DGKG: variants seen among roughly 807,000 people sequenced by gnomAD.
DGKG encodes diacylglycerol kinase gamma, also known as DAG kinase gamma.
A neutral mutation model predicts 105.3 loss-of-function variants in DGKG; 78 were observed. That is an observed-to-expected ratio of 0.74 (90% confidence interval 0.62 to 0.89). The LOEUF (loss-of-function observed/expected upper bound fraction) is 0.89, where lower values mean the gene tolerates loss of function less well. Ranked by LOEUF, DGKG falls within the 40% of genes least tolerant of loss-of-function variation. The pLI is 0.00. For missense variants in DGKG, 958 were observed against 1,020.1 expected (o/e 0.94, Z 0.83); for synonymous variants, 346 against 367.1 (o/e 0.94, Z 0.66).
intron 20 of DGKG, among the ~76,000 whole-genome samples, chr3:186,227,792 T>C (rs750891843): frequency 6.6e-6 from 1 of 152,204 alleles, no homozygotes; most frequent in Non-Finnish European, 1.5e-5. Flanking sequence ...ATAAAACGCA[T>C]GCAATTATGA....
In DGKG at chr3:186,149,842, C is replaced by T; in HGVS notation, c.*248G>A. 8.3e-7 allele frequency: 1 copy of T among 1,209,550 alleles called. No homozygotes were observed. The highest frequency in any genetic ancestry group is 1.0e-6 in the Non-Finnish European group (1 of 970,444). The allele number at this position is 1,209,550 out of a possible 1,614,324, so 74.9% of individuals were successfully genotyped here. A position where few individuals can be genotyped will look rare whatever the true frequency, so the allele number is the denominator to read the frequency against. On this transcript the variant is annotated 3_prime_UTR_variant, in exon 25 of 25. Coordinates refer to ENST00000265022, the MANE Select transcript of DGKG (RefSeq NM_001346.3). ...TTGCTGCCTAAGCCAGCCACAACCT[C>T]ATGGGCCCTAAGTCCATTCAAAATG...
chr3:186,345,801 G>T (rs565022143), intron 1 of DGKG, among the ~76,000 whole-genome samples: 1 of 152,124 alleles, frequency 6.6e-6, no homozygotes, highest in South Asian at 2.1e-4. Context: ...ACCGAGTCTC[G>T]CTCTGTCGCC....
intron 2 of DGKG, among the ~76,000 whole-genome samples, chr3:186,317,797 T>C (rs1328084208): frequency 6.6e-6 from 1 of 152,186 alleles, no homozygotes; most frequent in African/African-American, 2.4e-5. Context: ...TGTCTTCCCC[T>C]GTGAGGCAGT....
intron 2 of DGKG, among the ~76,000 whole-genome samples, 187 bp from the exon 3 acceptor site, chr3:186,307,164 C>T (rs1219913489): frequency 7.2e-5 from 11 of 152,200 alleles, no homozygotes; most frequent in African/African-American, 2.7e-4. Context: ...TTCCCCCCTG[C>T]ATCTAAATTA....
intron 22 of DGKG, among the ~76,000 whole-genome samples, chr3:186,167,170 G>A (rs969177210): frequency 2.0e-5 from 3 of 152,146 alleles, no homozygotes; most frequent in Admixed American, 1.3e-4. Context: ...TGGGACTGAG[G>A]AGATTTGTAG....
chr3:186,255,973 T>C (rs977562450), intron 17 of DGKG, among the ~76,000 whole-genome samples: 2 of 152,210 alleles, frequency 1.3e-5, no homozygotes, highest in Non-Finnish European at 2.9e-5. Flanking sequence ...TTCTTTCTGT[T>C]TTGAGCAGCT....
intron 21 of DGKG, chr3:186,207,612 T>C (rs111487242): frequency 2.7e-4 from 94 of 346,070 alleles, no homozygotes; most frequent in African/African-American, 1.9e-3. Flanking sequence ...TGCCCCCCAT[T>C]TTATAGATGA....
chr3:186,254,183 C>T (rs913433374), intron 17 of DGKG, among the ~76,000 whole-genome samples: 4 of 152,126 alleles, frequency 2.6e-5, no homozygotes, highest in African/African-American at 9.7e-5. Context: ...GAGACCTCAG[C>T]ACGCATGGTG....
chr3:186,342,050 A>T (rs1465713074), intron 1 of DGKG, among the ~76,000 whole-genome samples: 2 of 152,178 alleles, frequency 1.3e-5, no homozygotes, highest in African/African-American at 4.8e-5. Flanking sequence ...TAGCACTGGG[A>T]GATATACCTA....
At chr3:186,318,423 T>G (rs1724918227) in intron 2 of DGKG, among the ~76,000 whole-genome samples, 1 of 152,192 alleles carries the variant, frequency 6.6e-6, no homozygotes, top group South Asian at 2.1e-4. Context: ...TAAACCTCTT[T>G]CCTCCATGGA....
chr3:186,255,459 A>T (rs1721422343), intron 17 of DGKG, among the ~76,000 whole-genome samples: 1 of 152,230 alleles, frequency 6.6e-6, no homozygotes, highest in Non-Finnish European at 1.5e-5. Flanking sequence ...AGTAAGCCAC[A>T]TGTCAGCTGA....
rs1344852796 is a variant in DGKG at position 186,188,252 on chromosome 3, TCCCGGATCACAG to T, written c.2033_2044del (p.Ala678_Arg681del). ...GGGGTCAGTGACACCCTTCCTGCTT[TCCCGGATCACAG>T]CCCGGTTCTTCTTGTTTTCTCCCCA... is the stretch of plus-strand genomic sequence containing the variant. On this transcript the variant is annotated inframe_deletion, in exon 22 of 25. Transcript: ENST00000265022. 1 of 1,614,050 alleles carries T rather than the reference TCCCGGATCACAG, an allele frequency of 6.2e-7. No individual in the cohort carries two copies. The highest frequency in any genetic ancestry group is 8.5e-7 in the Non-Finnish European group (1 of 1,180,052).
At chr3:186,314,755 A>T (rs1328860628) in intron 2 of DGKG, among the ~76,000 whole-genome samples, 2 of 127,548 alleles carry the variant, frequency 1.6e-5, no homozygotes, top group Admixed American at 1.5e-4. Flanking sequence ...CTCCGTCTCA[A>T]AAAAAAAAAA....
At chr3:186,288,035 T>C (rs1423983383) in intron 6 of DGKG, among the ~76,000 whole-genome samples, 2 of 152,220 alleles carry the variant, frequency 1.3e-5, no homozygotes, top group Admixed American at 6.5e-5. Flanking sequence ...CTGGACTGAA[T>C]CATCTACAAG....
intron 21 of DGKG, among the ~76,000 whole-genome samples, chr3:186,194,415 C>G (rs945237107): frequency 1.5e-4 from 23 of 152,354 alleles, no homozygotes; most frequent in African/African-American, 5.5e-4. Context: ...TCTCCTGCGC[C>G]GTGACCTCAA....
chr3:186,242,076 C>T (rs1467674300), intron 20 of DGKG, among the ~76,000 whole-genome samples: 1 of 152,160 alleles, frequency 6.6e-6, no homozygotes, highest in Admixed American at 6.5e-5. Flanking sequence ...CCACCTCCTC[C>T]CATTTGAGAC....
At chr3:186,302,495 T>C (rs78430448) in intron 3 of DGKG, among the ~76,000 whole-genome samples, 18 of 9,592 alleles carry the variant, frequency 1.9e-3, no homozygotes, top group African/African-American at 6.3e-3. Context: ...TATATATATA[T>C]ATATATATAT....
At chr3:186,211,734 G>T in intron 21 of DGKG, 61 bp downstream of exon 21, 1 of 1,204,176 alleles carries the variant, frequency 8.3e-7, no homozygotes, top group Non-Finnish European at 1.2e-6. Flanking sequence ...TCCTGTGCAT[G>T]TGTGACAGTC....
At chr3:186,157,534 CGTATTTCCTAGTA>C (rs1716092564) in intron 24 of DGKG, among the ~76,000 whole-genome samples, 2 of 152,082 alleles carry the variant, frequency 1.3e-5, no homozygotes, top group South Asian at 4.1e-4. Context: ...CACCTAAATA[CGTATTTCCTAGTA>C]GTATGGAAGA....
Sources: gnomAD v4.1 joint callset for allele counts (sites outside exome capture counted in the v4.1 genomes callset) on GRCh38, gnomAD v4.1.1 for gene constraint, MANE v1.5 for transcripts, NCBI Gene and HGNC (gene_info 2026-07-23, HGNC 2026-07-21) for gene names.